Variants in MELTF observed in about 807,000 individuals in gnomAD.
MELTF encodes the protein antigen p97 (melanoma associated) identified by monoclonal antibodies 133.2 and 96.5.
A neutral mutation model predicts 83.7 loss-of-function variants in MELTF; 67 were observed. The ratio of observed to expected loss-of-function variants is 0.80; its 90% CI spans 0.66 to 0.98. The LOEUF is 0.98. MELTF is among the 50% of genes least tolerant of loss of function. MELTF has a pLI of 0.00. For synonymous variants in MELTF, 462 were observed against 447.6 expected (o/e 1.03, Z -0.41); for missense variants, 1,002 against 1,035.6 (o/e 0.97, Z 0.44).
Position 197,024,456 on chromosome 3 carries a change from C to G in MELTF, c.334G>C (p.Val112Leu). Residue 112 changes from valine to leucine, a missense_variant, in exon 4 of 16, where the codon GTG (valine) becomes CTG (leucine). Physicochemically the swap from Val to Leu is conservative, Grantham distance 32 (BLOSUM62 1). Transcript: ENST00000296350. The surrounding 1 kb of genome is among the most constrained non-coding windows in gnomAD (Gnocchi z 5.3). ...EVGTSYYAVA[V>L]VRRSSHVTID... ...GTCACATGGGAGCTCCTCCTGACCA[C>G]AGCCACGGCGTAATAGGAGGTACCG... The G allele has an allele frequency of 6.2e-7, 1 of 1,601,706 alleles. No homozygotes were observed. The highest frequency in any genetic ancestry group is 8.5e-7 in the Non-Finnish European group (1 of 1,171,822).
chr3:197,009,656 C>T lies in MELTF; in HGVS notation c.1487G>A (p.Arg496Lys). The T allele has an allele frequency of 6.2e-7, 1 of 1,613,576 alleles. No individual in the cohort carries two copies. Among genetic ancestry groups the T allele is most frequent in the Non-Finnish European group, 8.5e-7 (1 of 1,179,736 alleles). ...ACAGTCCTTGGGCCGGATGAAGCCTCTCTGAATAAGGGCACCCACGGGGAC... is the reference window on the plus strand; with the variant it reads ...ACAGTCCTTGGGCCGGATGAAGCCTTTCTGAATAAGGGCACCCACGGGGAC... ...WDVPVGALIQ[R>K]GFIRPKDCDV... Residue 496 changes from arginine to lysine, a missense_variant, in exon 11 of 16, where the codon AGA becomes AAA. By Grantham distance (26) the Arg-to-Lys change is conservative. Transcript: ENST00000296350.
chr3:197,020,349 C>T (rs1719569785), intron 6 of MELTF, among the ~76,000 whole-genome samples: 1 of 152,146 alleles, frequency 6.6e-6, no homozygotes, highest in Admixed American at 6.5e-5. Context: ...GACTGGATAA[C>T]AGGATTGTAT....
At chr3:197,009,127 A>T (rs538048462) in intron 11 of MELTF, among the ~76,000 whole-genome samples, 162 bp from the exon 12 acceptor site, 13 of 152,186 alleles carry the variant, frequency 8.5e-5, no homozygotes, top group Non-Finnish European at 1.9e-4. Flanking sequence ...TGTCTCCTGG[A>T]GGATCTCAGT....
In MELTF at chr3:197,006,620, G is replaced by GT; in HGVS notation, c.1866dup (p.Pro623ThrfsTer33). On this transcript the variant is annotated frameshift_variant, in exon 14 of 16. Transcript: ENST00000296350. LOFTEE classifies it high-confidence loss of function. The surrounding 1 kb of genome is among the most constrained non-coding windows in gnomAD (Gnocchi z 5.4). ...GGCCGGACCATCACGGCGTGGGGTG[G>GT]TATCTGTGCCAGGTTGCAGGCTGCA... 1 of 1,613,304 alleles carries GT rather than the reference G, an allele frequency of 6.2e-7. No individual in the cohort carries two copies. The highest frequency in any genetic ancestry group is 8.5e-7 in the Non-Finnish European group (1 of 1,179,564).
Position 197,015,387 on chromosome 3 carries a change from T to TG in MELTF, c.1210dup (p.Gln404ProfsTer10). On this transcript the variant is annotated frameshift_variant, in exon 9 of 16. Coordinates refer to ENST00000296350, the MANE Select transcript of MELTF (RefSeq NM_005929.6). LOFTEE classifies it high-confidence loss of function. Reference sequence around the variant, plus strand: ...CACCTGGATCCGCTCCATGCAGTGTTGGGGGGACTTGGCTGACACGCACTG... The same window carrying TG: ...CACCTGGATCCGCTCCATGCAGTGTTGGGGGGGACTTGGCTGACACGCACTG... The TG allele has an allele frequency of 1.9e-6, 3 of 1,573,200 alleles. No individual in the cohort carries two copies. The highest frequency in any genetic ancestry group is 1.9e-5 in the Admixed American group (1 of 53,660).
chr3:197,007,615 C>T lies in MELTF; in HGVS notation c.1751-879G>A, dbSNP rs529766115. Among the ~76,000 whole-genome samples, 1 of 152,198 alleles carries T rather than the reference C, an allele frequency of 6.6e-6. No homozygotes were observed. Among genetic ancestry groups the T allele is most frequent in the African/African-American group, 2.4e-5 (1 of 41,450 alleles). ...TGGGCTCGTGCAGGAGCACACAGCC[C>T]CTCCCTGGGGGAGGGTTTCAGGTGT... On this transcript the variant is annotated intron_variant, in intron 13 of 15. Transcript: ENST00000296350. The surrounding 1 kb of genome is among the most constrained non-coding windows in gnomAD (Gnocchi z 4.3).
rs1718868453 is a variant in MELTF, at chr3:197,003,767, A to G, written c.2137+134T>C. 8.4e-6 allele frequency: 7 copies of G among 836,078 alleles called. No homozygotes were observed. The highest frequency in any genetic ancestry group is 1.2e-5 in the Non-Finnish European group (7 of 567,300). The allele number at this position is 836,078 out of a possible 1,614,324, so 51.8% of individuals were successfully genotyped here. A position where few individuals can be genotyped will look rare whatever the true frequency, so the allele number is the denominator to read the frequency against. Reference sequence around the variant, plus strand: ...GCCTCCTGGCCAAAATCCTCCCGGGACACCCCACCTGGACTGCTGCGAACG... The same window carrying G: ...GCCTCCTGGCCAAAATCCTCCCGGGGCACCCCACCTGGACTGCTGCGAACG... On this transcript the variant is annotated intron_variant, in intron 15 of 15. Coordinates refer to ENST00000296350, the MANE Select transcript of MELTF (RefSeq NM_005929.6). This position sits in a 1 kb window ranked among gnomAD's most constrained non-coding sequence, Gnocchi z 6.2.
In MELTF at chr3:197,003,211, C is replaced by G; in HGVS notation, c.*161G>C. Reference sequence around the variant, plus strand: ...GGCCCGGGGGCGGCGCCTCAGGTAGCAGCGCCAGGTGGCGCCCGTGGGCGG... The same window carrying G: ...GGCCCGGGGGCGGCGCCTCAGGTAGGAGCGCCAGGTGGCGCCCGTGGGCGG... On this transcript the variant is annotated 3_prime_UTR_variant, in exon 16 of 16. Transcript: ENST00000296350. The surrounding 1 kb of genome is among the most constrained non-coding windows in gnomAD (Gnocchi z 6.2). The G allele has an allele frequency of 1.3e-6, 1 of 788,124 alleles. No homozygotes were observed. Among genetic ancestry groups the G allele is most frequent in the South Asian group, 5.8e-5 (1 of 17,208 alleles). The allele number at this position is 788,124 out of a possible 1,614,324, so 48.8% of individuals were successfully genotyped here. A position where few individuals can be genotyped will look rare whatever the true frequency, so the allele number is the denominator to read the frequency against.
rs1180419899 is a variant in MELTF, at chr3:197,022,058, AG to A, written c.645-588del. On this transcript the variant is annotated intron_variant, in intron 5 of 15. Coordinates refer to ENST00000296350, the MANE Select transcript of MELTF (RefSeq NM_005929.6). The surrounding 1 kb of genome is among the most constrained non-coding windows in gnomAD (Gnocchi z 5.1). ...TTTGAAGAGCATTCTACCCTGAGGCAGGGGATTGGACTAGAAGGCCTTTTCA... is the reference window on the plus strand; with the variant it reads ...TTTGAAGAGCATTCTACCCTGAGGCAGGGATTGGACTAGAAGGCCTTTTCA... 2.6e-5 allele frequency among the ~76,000 whole-genome samples: 4 copies of A among 152,140 alleles called. No individual in the cohort carries two copies. Among genetic ancestry groups the A allele is most frequent in the African/African-American group, 7.2e-5 (3 of 41,424 alleles).
chr3:197,029,250 T>C lies in MELTF; in HGVS notation c.49+404A>G, dbSNP rs999957517. The C allele has an allele frequency of 2.4e-5, 4 of 166,420 alleles. No homozygotes were observed. The highest frequency in any genetic ancestry group is 1.3e-5 in the Non-Finnish European group (1 of 77,882). The allele number at this position is 166,420 out of a possible 1,614,324, so 10.3% of individuals were successfully genotyped here. ...CCGGGCGGACTCCCGCGCCTGCCGG[T>C]CAGTCCCTCTGAATCTTCTCCCGCG... On this transcript the variant is annotated intron_variant, in intron 1 of 15. Transcript: ENST00000296350. This position sits in a 1 kb window ranked among gnomAD's most constrained non-coding sequence, Gnocchi z 6.5.
chr3:197,024,199 A>T lies in MELTF; in HGVS notation c.487+104T>A. On this transcript the variant is annotated intron_variant, in intron 4 of 15. Coordinates refer to ENST00000296350, the MANE Select transcript of MELTF (RefSeq NM_005929.6). The surrounding 1 kb of genome is among the most constrained non-coding windows in gnomAD (Gnocchi z 5.3). ...CTGCTGCGCCTTCCAGGAATGAAGA[A>T]TGGTGGCGAGGCCGGAGGGAGGCTA... 1 of 1,279,626 alleles carries T rather than the reference A, an allele frequency of 7.8e-7. No individual in the cohort carries two copies. Among genetic ancestry groups the T allele is most frequent in the Admixed American group, 2.3e-5 (1 of 43,522 alleles). The allele number at this position is 1,279,626 out of a possible 1,614,324, so 79.3% of individuals were successfully genotyped here. A position where few individuals can be genotyped will look rare whatever the true frequency, so the allele number is the denominator to read the frequency against.
In MELTF at chr3:197,006,418, G is replaced by GA; in HGVS notation, c.1938+130dup. 1.5e-5 allele frequency: 12 copies of GA among 784,616 alleles called. No homozygotes were observed. The South Asian group carries it at 2.2e-4, about 15-fold the overall frequency. The allele number at this position is 784,616 out of a possible 1,614,324, so 48.6% of individuals were successfully genotyped here. ...TCTGGAGGGATGTCCTTGCGTAAGT[G>GA]AAAATCACAGAATTTCCCCCGGGCT... On this transcript the variant is annotated intron_variant, in intron 14 of 15. Coordinates refer to ENST00000296350, the MANE Select transcript of MELTF (RefSeq NM_005929.6). This position sits in a 1 kb window ranked among gnomAD's most constrained non-coding sequence, Gnocchi z 5.4.
At chr3:197,020,968 A>C (rs1719600864) in intron 6 of MELTF, among the ~76,000 whole-genome samples, 1 of 152,140 alleles carries the variant, frequency 6.6e-6, no homozygotes, top group Admixed American at 6.5e-5. Context: ...GCCCAGCCTC[A>C]ACACCAAACT....
Position 197,003,444 on chromosome 3 carries a change from C to CGGGGCCGCT in MELTF, c.2138-2_2144dup (p.Ala714_Ala716dup), listed in dbSNP as rs1553845826. On this transcript the variant is annotated inframe_insertion, in exon 16 of 16. Coordinates refer to ENST00000296350, the MANE Select transcript of MELTF (RefSeq NM_005929.6). The surrounding 1 kb of genome is among the most constrained non-coding windows in gnomAD (Gnocchi z 6.2). The stretch of plus-strand genomic sequence containing the variant: ...GCGGGAGCAGGGGCGCCCCGGGCGC[C>CGGGGCCGCT]GGGGCCGCTGGGGACGAACGCGGCG... The CGGGGCCGCT allele has an allele frequency of 1.2e-4, 126 of 1,052,402 alleles. 1 individual carries two copies. In the African/African-American group the frequency reaches 2.0e-3, roughly 17 times the overall value. The allele number at this position is 1,052,402 out of a possible 1,614,324, so 65.2% of individuals were successfully genotyped here.
In MELTF at chr3:197,007,559, C is replaced by T. The variant is rs554616392; in HGVS notation, c.1751-823G>A. ...CCCCTGACCCCATCCCAGACGACAC[C>T]ATGCACAGATCTGGGACCAGGCAGG... On this transcript the variant is annotated intron_variant, in intron 13 of 15. Coordinates refer to ENST00000296350, the MANE Select transcript of MELTF (RefSeq NM_005929.6). The surrounding 1 kb of genome is among the most constrained non-coding windows in gnomAD (Gnocchi z 4.3). Among the ~76,000 whole-genome samples the T allele has an allele frequency of 2.0e-5, 3 of 152,244 alleles. No homozygotes were observed. Among genetic ancestry groups the T allele is most frequent in the Non-Finnish European group, 4.4e-5 (3 of 68,048 alleles).
At chr3:197,017,683 C>T (rs371998821) in intron 6 of MELTF, among the ~76,000 whole-genome samples, 3 of 152,170 alleles carry the variant, frequency 2.0e-5, no homozygotes, top group Non-Finnish European at 2.9e-5. Context: ...CAAGACCATC[C>T]TGGCTAACAC....
In MELTF at chr3:197,007,854, C is replaced by T. The variant is rs184866197; in HGVS notation, c.1750+803G>A. ...GTCCAGTCCCCTCCCCACCGGGCCA[C>T]AGTTGTGCCTTTCTGGGCTAAGTCT... On this transcript the variant is annotated intron_variant, in intron 13 of 15. Coordinates refer to ENST00000296350, the MANE Select transcript of MELTF (RefSeq NM_005929.6). The surrounding 1 kb of genome is among the most constrained non-coding windows in gnomAD (Gnocchi z 4.3). Among the ~76,000 whole-genome samples the T allele has an allele frequency of 3.9e-5, 6 of 152,320 alleles. No individual in the cohort carries two copies. The highest frequency in any genetic ancestry group is 1.4e-4 in the African/African-American group (6 of 41,562).
rs557764554 is a variant in MELTF, at chr3:197,027,867, T to G, written c.93A>C (p.Pro31=). 2.5e-6 allele frequency: 4 copies of G among 1,609,274 alleles called. No individual in the cohort carries two copies. In the African/African-American group the frequency reaches 5.3e-5, roughly 21 times the overall value. Residue 31 remains proline (P), a synonymous_variant, in exon 2 of 16, where the codon CCA becomes CCC. Transcript: ENST00000296350. ...TCATGTTGCCGCACTTGTGCTGCTCTGGGTCCGAGGTGGCGCACCACCGCA... is the reference window on the plus strand; with the variant it reads ...TCATGTTGCCGCACTTGTGCTGCTCGGGGTCCGAGGTGGCGCACCACCGCA... ...MEVRWCATSD[P]EQHKCGNMSE... is the part of the protein sequence containing the mutation.
At position 197,006,714 on chromosome 3, in the gene MELTF, A is replaced by C; in HGVS notation, c.1773T>G (p.Ala591=). ...CATAGTCCTCTGACCTGAGCTCAGC[A>C]GCCCAGGGCTCGGAATTGTGGCCTG... The part of the protein sequence containing the change: ...NTNGHNSEPW[A]AELRSEDYEL... The change falls in exon 14 of 16, where the codon GCT becomes GCG. Residue 591 remains alanine (A), a synonymous_variant. Coordinates refer to ENST00000296350, the MANE Select transcript of MELTF (RefSeq NM_005929.6). This position sits in a 1 kb window ranked among gnomAD's most constrained non-coding sequence, Gnocchi z 5.4. 4 of 1,543,922 alleles carry C rather than the reference A, an allele frequency of 2.6e-6. No individual in the cohort carries two copies. The South Asian group carries it at 5.0e-5, about 19-fold the overall frequency.
Sources: gnomAD v4.1 joint callset for allele counts (sites outside exome capture counted in the v4.1 genomes callset) on GRCh38, gnomAD v4.1.1 for gene constraint, Gnocchi (gnomAD v3.1) non-coding constraint, MANE v1.5 for transcripts, NCBI Gene and HGNC (gene_info 2026-07-23, HGNC 2026-07-21) for gene names.